The following METTL16 variants were observed in gnomAD, a reference collection of about 807,000 sequenced individuals.
The protein encoded by METTL16 is methyltransferase 16, RNA N6-adenosine, also known as RNA N(6)-adenosine-methyltransferase METTL16.
In METTL16, 19 loss-of-function variants were observed where a neutral mutation model predicts 57.9. The observed-to-expected ratio is 0.33, with a 90% CI of 0.23 to 0.48. METTL16 has a LOEUF of 0.48. Ranked by LOEUF, METTL16 falls within the 20% of genes least tolerant of loss-of-function variation. METTL16 has a pLI of 0.99. For missense variants in METTL16, 434 were observed against 691.5 expected, an observed-to-expected ratio of 0.63 and a Z score of 4.18; for synonymous variants, 246 against 255.6, an observed-to-expected ratio of 0.96 and a Z score of 0.36.
intron 1 of METTL16, among the ~76,000 whole-genome samples, chr17:2,507,345 CCCAG>C (rs2067550404): frequency 6.8e-6 from 1 of 146,522 alleles, no homozygotes; most frequent in Non-Finnish European, 1.5e-5. Flanking sequence ...CAGCCCCCCA[CCCAG>C]CCAGCCACCC....
intron 2 of METTL16, among the ~76,000 whole-genome samples, chr17:2,483,307 T>C (rs902227228): frequency 2.6e-5 from 4 of 152,158 alleles, no homozygotes; most frequent in Non-Finnish European, 5.9e-5. Context: ...TGAGCAACTA[T>C]GTAGAATGGG....
intron 6 of METTL16, among the ~76,000 whole-genome samples, chr17:2,452,332 C>T: frequency 6.6e-6 from 1 of 152,036 alleles, no homozygotes; most frequent in South Asian, 2.1e-4. Flanking sequence ...GATTGAATGT[C>T]ATATATACGC....
chr17:2,453,389 G>A (rs2067084867), intron 6 of METTL16, among the ~76,000 whole-genome samples: 1 of 152,106 alleles, frequency 6.6e-6, no homozygotes, highest in Non-Finnish European at 1.5e-5. Context: ...TTACTCTCAT[G>A]ACCTTAATGT....
chr17:2,430,743 T>A (rs1361820637), intron 8 of METTL16, among the ~76,000 whole-genome samples: 4 of 151,958 alleles, frequency 2.6e-5, no homozygotes, highest in East Asian at 1.9e-4. Context: ...AATTTTTTTT[T>A]AAATTGAAAT....
intron 6 of METTL16, among the ~76,000 whole-genome samples, chr17:2,441,900 T>C (rs190951829): frequency 3.4e-4 from 52 of 152,090 alleles, no homozygotes; most frequent in Admixed American, 1.1e-3. Flanking sequence ...AATTAGAAAA[T>C]AAAAAACAAC....
chr17:2,419,947 G>T lies in METTL16; in HGVS notation c.*23C>A. The T allele has an allele frequency of 6.2e-7, 1 of 1,611,938 alleles. No individual in the cohort carries two copies. ...CTCCAAAGCAAGTTACTATCAACAC[G>T]TTTCCAACTGTGCAGGAGGTTTCTA... On this transcript the variant is annotated 3_prime_UTR_variant, in exon 10 of 10. Coordinates refer to ENST00000263092, the MANE Select transcript of METTL16 (RefSeq NM_024086.4).
At position 2,434,248 on chromosome 17, in the gene METTL16, G is replaced by A. The variant is rs7207710; in HGVS notation, c.888+3861C>T. On this transcript the variant is annotated intron_variant, in intron 8 of 9. Coordinates refer to ENST00000263092, the MANE Select transcript of METTL16 (RefSeq NM_024086.4). ...CAGTCTCACTCTGTCACCCAGGCTGGTGGGCAACGGCGTGACCTCGGCTCA... is the reference window on the plus strand; with the variant it reads ...CAGTCTCACTCTGTCACCCAGGCTGATGGGCAACGGCGTGACCTCGGCTCA... Among the ~76,000 whole-genome samples, 723 of 152,216 alleles carry A rather than the reference G, an allele frequency of 4.7e-3. 7 individuals carry two copies. The highest frequency in any genetic ancestry group is 0.016 in the African/African-American group (657 of 41,534).
intron 6 of METTL16, among the ~76,000 whole-genome samples, chr17:2,452,678 C>T (rs1461177313): frequency 6.6e-6 from 1 of 152,118 alleles, no homozygotes; most frequent in Non-Finnish European, 1.5e-5. Context: ...GCAGGATTCG[C>T]GCAAATGACT....
chr17:2,443,778 G>C (rs2066971734), intron 6 of METTL16, among the ~76,000 whole-genome samples: 1 of 152,214 alleles, frequency 6.6e-6, no homozygotes, highest in East Asian at 1.9e-4. Context: ...GGATTACAGG[G>C]GTGAGCCACC....
intron 4 of METTL16, among the ~76,000 whole-genome samples, chr17:2,473,268 T>C (rs1597460641): frequency 6.6e-6 from 1 of 152,168 alleles, no homozygotes; most frequent in Admixed American, 6.5e-5. Flanking sequence ...TCTACTAAAA[T>C]AAATGAATGG....
At chr17:2,439,342 G>T (rs2066930851) in intron 7 of METTL16, among the ~76,000 whole-genome samples, 1 of 151,882 alleles carries the variant, frequency 6.6e-6, no homozygotes, top group Non-Finnish European at 1.5e-5. Flanking sequence ...GAATTCCTAG[G>T]TTCAAGCAAT....
At chr17:2,451,129 TA>T (rs2067066058) in intron 6 of METTL16, among the ~76,000 whole-genome samples, 1 of 152,162 alleles carries the variant, frequency 6.6e-6, no homozygotes, top group East Asian at 1.9e-4. Context: ...CATCAACAAA[TA>T]TTTTGTCTTC....
Position 2,467,773 on chromosome 17 carries a change from T to C in METTL16, c.573A>G (p.Gln191=), listed in dbSNP as rs369848286. The C allele has an allele frequency of 5.7e-5, 92 of 1,613,370 alleles. No homozygotes were observed. The highest frequency in any genetic ancestry group is 1.6e-4 in the Middle Eastern group (1 of 6,084). The change falls in exon 5 of 10, where the codon CAA becomes CAG. Residue 191 remains glutamine (Q), a synonymous_variant. Coordinates refer to ENST00000263092, the MANE Select transcript of METTL16 (RefSeq NM_024086.4). ...GAAGACATTTTACCTTGGCTTCCAA[T>C]TGATTGGCAAAAAAGGGAGGGTTGC... The part of the protein sequence containing the change: ...CMCNPPFFAN[Q]LEAKGVNSRN...
chr17:2,447,066 T>C (rs1304641799), intron 6 of METTL16, among the ~76,000 whole-genome samples: 128 of 147,560 alleles, frequency 8.7e-4, no homozygotes, highest in African/African-American at 3.3e-3. Context: ...GAGGAGCCTC[T>C]CTGCCTGGCT....
chr17:2,453,938 A>G (rs1387411884), intron 6 of METTL16, among the ~76,000 whole-genome samples: 1 of 152,204 alleles, frequency 6.6e-6, no homozygotes, highest in African/African-American at 2.4e-5. Flanking sequence ...GAAATAAGTA[A>G]TATAATAGTT....
At chr17:2,451,596 G>A (rs2067070148) in intron 6 of METTL16, among the ~76,000 whole-genome samples, 1 of 151,636 alleles carries the variant, frequency 6.6e-6, no homozygotes, top group South Asian at 2.1e-4. Flanking sequence ...ACTCCAGCCT[G>A]GGTGACAGAG....
chr17:2,489,178 G>C (rs886112574), intron 2 of METTL16, among the ~76,000 whole-genome samples: 1 of 145,104 alleles, frequency 6.9e-6, no homozygotes, highest in Admixed American at 7.0e-5. Flanking sequence ...GGCTGATCTT[G>C]AACTCCTGGC....
At chr17:2,422,337 GA>G (rs56736695) in intron 8 of METTL16, among the ~76,000 whole-genome samples, 18 of 136,050 alleles carry the variant, frequency 1.3e-4, no homozygotes, top group East Asian at 2.3e-4. Flanking sequence ...CTCCGTTTTA[GA>G]AAAAAAAAAA....
At chr17:2,429,995 TGGAGACGGG>T (rs1313063262) in intron 8 of METTL16, among the ~76,000 whole-genome samples, 1 of 148,192 alleles carries the variant, frequency 6.7e-6, no homozygotes, top group Non-Finnish European at 1.5e-5. Flanking sequence ...CTATTTTTAG[TGGAGACGGG>T]GGTTTCACCA....
Sources: allele counts gnomAD v4.1 joint callset (sites outside exome capture counted in the v4.1 genomes callset), GRCh38; gene constraint gnomAD v4.1.1; transcripts MANE v1.5; gene names NCBI Gene and HGNC (gene_info 2026-07-23, HGNC 2026-07-21).